MVK: variants seen among roughly 807,000 people sequenced by gnomAD.
MVK encodes LH receptor mRNA-binding protein.
MVK carries 34 observed loss-of-function variants against 43.2 expected under a neutral mutation model. The ratio of observed to expected loss-of-function variants is 0.79; its 90% CI spans 0.60 to 1.05. The LOEUF is 1.05. Among genes scored for constraint, MVK ranks in the 50% least tolerant of loss-of-function variants. MVK has a pLI of 0.00. For synonymous variants in MVK, 190 were observed against 219.8 expected (o/e 0.86, Z 1.20); for missense variants, 395 against 504.0 (o/e 0.78, Z 2.07).
At chr12:109,583,845 T>C (rs1885328086) in intron 5 of MVK, among the ~76,000 whole-genome samples, 1 of 152,256 alleles carries the variant, frequency 6.6e-6, no homozygotes, top group South Asian at 2.1e-4. Context: ...TGACCTTCAC[T>C]TTCTCCATTA....
Position 109,596,483 on chromosome 12 carries a change from ACTGCT to A in MVK, c.1098_1102del (p.Cys367GlyfsTer121). The A allele has an allele frequency of 6.2e-7, 1 of 1,613,624 alleles. No homozygotes were observed. The highest frequency in any genetic ancestry group is 8.5e-7 in the Non-Finnish European group (1 of 1,179,938). ...CAGGCCCTGACCAGCTGTGGCTTTG[ACTGCT>A]TGGAAACCAGCATCGGTGCCCCCGG... is the stretch of plus-strand genomic sequence containing the variant. On this transcript the variant is annotated frameshift_variant, in exon 11 of 11. Coordinates refer to ENST00000228510, the MANE Select transcript of MVK (RefSeq NM_000431.4). LOFTEE classifies it high-confidence loss of function.
intron 3 of MVK, 102 bp from the exon 4 acceptor site, chr12:109,579,700 T>C: frequency 6.7e-7 from 1 of 1,487,300 alleles, no homozygotes; most frequent in South Asian, 1.2e-5. Context: ...TGTCCATCCA[T>C]GTTCCAATTC....
intron 5 of MVK, among the ~76,000 whole-genome samples, chr12:109,584,237 G>A (rs1460760089): frequency 6.6e-6 from 1 of 152,144 alleles, no homozygotes; most frequent in East Asian, 1.9e-4. Flanking sequence ...GTTAACTGAT[G>A]TTAACTCATT....
intron 3 of MVK, chr12:109,579,109 G>A (rs1885090122): frequency 2.6e-6 from 1 of 377,728 alleles, no homozygotes; most frequent in South Asian, 2.1e-5. Flanking sequence ...GTGTCTGTGT[G>A]TCTGTGTGTG....
chr12:109,595,553 G>A lies in MVK; in HGVS notation c.1039+372G>A, dbSNP rs981014424. On this transcript the variant is annotated intron_variant, in intron 10 of 10. Transcript: ENST00000228510. The surrounding 1 kb of genome is among the most constrained non-coding windows in gnomAD (Gnocchi z 5.9). ...TGTACCCTTGATGTGGTCAGGATGC[G>A]GTTGATTTTGCTACAAAACGAAAGG... 2.0e-5 allele frequency among the ~76,000 whole-genome samples: 3 copies of A among 152,138 alleles called. No individual in the cohort carries two copies. Among genetic ancestry groups the A allele is most frequent in the Admixed American group, 6.5e-5 (1 of 15,270 alleles).
chr12:109,591,220 G>A (rs373083266), intron 8 of MVK, 21 bp from the exon 9 acceptor site: 35 of 1,611,386 alleles, frequency 2.2e-5, no homozygotes, highest in South Asian at 7.7e-5. Flanking sequence ...CTCACCAGCC[G>A]TTCCTTCTTT....
At chr12:109,587,665 A>G (rs961286589) in intron 7 of MVK, among the ~76,000 whole-genome samples, 16 of 152,132 alleles carry the variant, frequency 1.1e-4, no homozygotes, top group African/African-American at 3.9e-4. Flanking sequence ...GATGAGTGGC[A>G]GGTCCTGGCC....
rs1555279054 is a variant in MVK at position 109,591,227 on chromosome 12, C to CT, written c.769-7dup. On this transcript the variant is annotated splice_polypyrimidine_tract_variant and intron_variant, in intron 8 of 10. Coordinates refer to ENST00000228510, the MANE Select transcript of MVK (RefSeq NM_000431.4). ...CCCCAGGCCTCACCAGCCGTTCCTT[C>CT]TTTTTTTCTCCAGTTCCCAGAGATC... 4 of 1,613,188 alleles carry CT rather than the reference C, an allele frequency of 2.5e-6. No homozygotes were observed. The highest frequency in any genetic ancestry group is 2.5e-6 in the Non-Finnish European group (3 of 1,179,150).
chr12:109,575,384 A>G (rs898946498), intron 2 of MVK, among the ~76,000 whole-genome samples: 3 of 151,732 alleles, frequency 2.0e-5, no homozygotes, highest in Non-Finnish European at 4.4e-5. Flanking sequence ...GCTTGGTGTG[A>G]ACCTAAGTCT....
At chr12:109,586,926 C>A in intron 7 of MVK, 127 bp downstream of exon 7, 2 of 1,104,726 alleles carry the variant, frequency 1.8e-6, no homozygotes, top group Non-Finnish European at 2.7e-6. Flanking sequence ...CCAATGTGGC[C>A]CTCACAGTGC....
At chr12:109,573,681 T>G, upstream of MVK, 4 of 667,192 alleles carry the variant, frequency 6.0e-6, no homozygotes, top group East Asian at 1.1e-4. Context: ...CGTGTCGGCT[T>G]GGCTGCAACA....
At chr12:109,573,776 T>G, upstream of MVK, 1 of 442,640 alleles carries the variant, frequency 2.3e-6, no homozygotes, top group Non-Finnish European at 4.2e-6. Context: ...CAACGCCTCC[T>G]CCCCTTGAGG....
Position 109,591,208 on chromosome 12 carries a change from G to T in MVK, c.769-33G>T, listed in dbSNP as rs369106165. 4 of 1,601,936 alleles carry T rather than the reference G, an allele frequency of 2.5e-6. No homozygotes were observed. The African/African-American group carries it at 4.0e-5, about 16-fold the overall frequency. On this transcript the variant is annotated intron_variant, in intron 8 of 10. Coordinates refer to ENST00000228510, the MANE Select transcript of MVK (RefSeq NM_000431.4). Reference sequence around the variant, plus strand: ...CTGTCCTGCATCTGCCTGCCCCCAGGCCTCACCAGCCGTTCCTTCTTTTTT... The same window carrying T: ...CTGTCCTGCATCTGCCTGCCCCCAGTCCTCACCAGCCGTTCCTTCTTTTTT...
chr12:109,590,793 C>T lies in MVK; in HGVS notation c.700C>T (p.Leu234=), dbSNP rs199909816. 4.5e-5 allele frequency: 73 copies of T among 1,614,110 alleles called. No individual in the cohort carries two copies. The highest frequency in any genetic ancestry group is 5.8e-5 in the Non-Finnish European group (69 of 1,180,050). Residue 234 remains leucine (L), a synonymous_variant, in exon 8 of 11, where the codon CTG becomes TTG. Coordinates refer to ENST00000228510, the MANE Select transcript of MVK (RefSeq NM_000431.4). ...LKRSPALQIL[L]TNTKVPRNTR... ...CAGGTCGCCAGCTCTCCAGATCCTGCTGACCAACACCAAAGTCCCTCGCAA... is the reference window on the plus strand; with the variant it reads ...CAGGTCGCCAGCTCTCCAGATCCTGTTGACCAACACCAAAGTCCCTCGCAA...
At chr12:109,575,584 G>A (rs537882858) in intron 2 of MVK, among the ~76,000 whole-genome samples, 1 of 151,992 alleles carries the variant, frequency 6.6e-6, no homozygotes, top group Non-Finnish European at 1.5e-5. Context: ...CTGTAGAGAC[G>A]TGGTCTGACA....
upstream of MVK, chr12:109,573,336 C>A: frequency 6.2e-7 from 1 of 1,613,236 alleles, no homozygotes. Context: ...CCCTTCCCGC[C>A]AGCCACTCAC....
Position 109,590,823 on chromosome 12 carries a change from A to G in MVK, c.730A>G (p.Arg244Gly). 6.2e-7 allele frequency: 1 copy of G among 1,613,994 alleles called. No homozygotes were observed. The highest frequency in any genetic ancestry group is 8.5e-7 in the Non-Finnish European group (1 of 1,179,928). The change falls in exon 8 of 11, where the codon AGG (arginine) becomes GGG (glycine). Residue 244 changes from arginine to glycine, a missense_variant. Physicochemically the swap from Arg to Gly is moderately radical, Grantham distance 125 (BLOSUM62 -2). Transcript: ENST00000228510. ...CAACACCAAAGTCCCTCGCAATACC[A>G]GGGCCCTTGTGGCTGGCGTCAGAAA... ...LTNTKVPRNT[R>G]ALVAGVRNRL...
intron 9 of MVK, 124 bp downstream of exon 9, chr12:109,591,481 C>T: frequency 1.1e-6 from 1 of 882,186 alleles, no homozygotes; most frequent in Non-Finnish European, 1.8e-6. Flanking sequence ...GGACCTGCCT[C>T]TGGCCTATGC....
At chr12:109,577,327 CAG>C (rs1885002259) in intron 3 of MVK, among the ~76,000 whole-genome samples, 1 of 152,232 alleles carries the variant, frequency 6.6e-6, no homozygotes, top group South Asian at 2.1e-4. Flanking sequence ...CTCTTTGGAA[CAG>C]TGTTTCTCAG....
Sources: allele counts gnomAD v4.1 joint callset (sites outside exome capture counted in the v4.1 genomes callset), GRCh38; gene constraint gnomAD v4.1.1; non-coding constraint Gnocchi (gnomAD v3.1); transcripts MANE v1.5; gene names NCBI Gene and HGNC (gene_info 2026-07-23, HGNC 2026-07-21).